KIF25: variants seen among roughly 807,000 people sequenced by gnomAD.
KIF25 encodes the protein kinesin-like protein KIF25.
KIF25 carries 19 observed loss-of-function variants against 32.9 expected under a neutral mutation model. The observed-to-expected ratio is 0.58, with a 90% CI of 0.40 to 0.85. KIF25 has a LOEUF of 0.85. Ranked by LOEUF, KIF25 falls within the 40% of genes least tolerant of loss-of-function variation. KIF25 has a pLI of 0.00. For missense variants in KIF25, 485 were observed against 507.0 expected (o/e 0.96, Z 0.42); for synonymous variants, 225 against 213.7 (o/e 1.05, Z -0.46).
chr6:168,013,062 G>A (rs766582274), intron 4 of KIF25, among the ~76,000 whole-genome samples: 5 of 151,984 alleles, frequency 3.3e-5, no homozygotes, highest in African/African-American at 4.8e-5. Context: ...GCTGAGAAAC[G>A]GGGCTGTTTC....
Position 168,022,544 on chromosome 6 carries a change from G to C in KIF25, c.-95+4504G>C, listed in dbSNP as rs1301187560. Reference sequence around the variant, plus strand: ...GGCCTCAAGTGATTGTCCCACCTCAGCCTCCCGAGTAGCTAGGATTACAGG... The same window carrying C: ...GGCCTCAAGTGATTGTCCCACCTCACCCTCCCGAGTAGCTAGGATTACAGG... On this transcript the variant is annotated intron_variant, in intron 5 of 12. Transcript: ENST00000643607. Among the ~76,000 whole-genome samples the C allele has an allele frequency of 2.6e-5, 4 of 152,230 alleles. No homozygotes were observed. In the East Asian group the frequency reaches 7.7e-4, roughly 29 times the overall value.
intron 12 of KIF25, among the ~76,000 whole-genome samples, chr6:168,044,016 A>C (rs74462271): frequency 0.023 from 3,441 of 152,272 alleles, 64 homozygotes; most frequent in Non-Finnish European, 0.035. Flanking sequence ...GAACAGCCCC[A>C]GGGGGCTGAG....
chr6:168,027,822 C>T (rs964689648), intron 5 of KIF25, among the ~76,000 whole-genome samples: 144 of 152,248 alleles, frequency 9.5e-4, no homozygotes, highest in African/African-American at 3.4e-3. Flanking sequence ...TCGTGTGCTT[C>T]TGACATTCGC....
chr6:168,014,239 A>G (rs1393555161), intron 4 of KIF25, among the ~76,000 whole-genome samples: 2 of 152,138 alleles, frequency 1.3e-5, no homozygotes. Flanking sequence ...CAGTGAGGAA[A>G]TGCATCCTGA....
chr6:168,036,497 C>T (rs531960296), intron 8 of KIF25, among the ~76,000 whole-genome samples: 9 of 152,348 alleles, frequency 5.9e-5, no homozygotes, highest in South Asian at 4.1e-4. Context: ...GTGTGTGCCT[C>T]GCCTTCTCAA....
chr6:168,042,994 G>A (rs191539152), intron 12 of KIF25, among the ~76,000 whole-genome samples: 2 of 152,272 alleles, frequency 1.3e-5, no homozygotes, highest in African/African-American at 4.8e-5. Flanking sequence ...TCTTCACCAG[G>A]GGTCCGCCAG....
chr6:168,013,938 A>G (rs914048040), intron 4 of KIF25, among the ~76,000 whole-genome samples: 1 of 152,148 alleles, frequency 6.6e-6, no homozygotes, highest in Non-Finnish European at 1.5e-5. Flanking sequence ...TTTCTTGGGC[A>G]GAGGGAGCTG....
In KIF25 at chr6:168,012,047, A is replaced by G. The variant is rs150266525; in HGVS notation, c.-162-5926A>G. 3.9e-3 allele frequency among the ~76,000 whole-genome samples: 598 copies of G among 151,832 alleles called. 6 individuals carry two copies. The highest frequency in any genetic ancestry group is 3.3e-3 in the Non-Finnish European group (224 of 67,946). ...GCTCTAAGATTTGATTCTTTTTTATAATTCTGTCTCTTTATTGTATTTTTC... is the reference window on the plus strand; with the variant it reads ...GCTCTAAGATTTGATTCTTTTTTATGATTCTGTCTCTTTATTGTATTTTTC... On this transcript the variant is annotated intron_variant, in intron 4 of 12. Transcript: ENST00000643607.
Position 168,038,577 on chromosome 6 carries a change from A to G in KIF25, c.342A>G (p.Arg114=), listed in dbSNP as rs1443651843. The G allele has an allele frequency of 6.2e-7, 1 of 1,614,122 alleles. No individual in the cohort carries two copies. Among genetic ancestry groups the G allele is most frequent in the African/African-American group, 1.3e-5 (1 of 75,020 alleles). The change falls in exon 9 of 13, where the codon AGA becomes AGG. Residue 114 remains arginine, a synonymous_variant. Coordinates refer to ENST00000643607, the MANE Select transcript of KIF25 (RefSeq NM_030615.4). ...GGCTCATTTTGGAAAATACCTCAAG[A>G]AGCCCAAAGGTTGAAGTCTCCATAG... The part of the protein sequence containing the change: ...LFRLILENTS[R]SPKVEVSIVE...
chr6:168,029,383 A>T, intron 5 of KIF25, 109 bp from the exon 6 acceptor site: 4 of 726,428 alleles, frequency 5.5e-6, no homozygotes, highest in Non-Finnish European at 8.4e-6. Flanking sequence ...CTAGACAATT[A>T]AGGAAATGCG....
chr6:168,010,470 C>G (rs1158455391), intron 4 of KIF25, among the ~76,000 whole-genome samples: 1 of 151,854 alleles, frequency 6.6e-6, no homozygotes, highest in Non-Finnish European at 1.5e-5. Context: ...GACTTTTATT[C>G]TGTTATGGTC....
At chr6:168,021,224 A>C (rs1583133911) in intron 5 of KIF25, among the ~76,000 whole-genome samples, 1 of 152,190 alleles carries the variant, frequency 6.6e-6, no homozygotes, top group East Asian at 1.9e-4. Context: ...TGTCCTCTTA[A>C]TTTATAGTAT....
intron 2 of KIF25, among the ~76,000 whole-genome samples, chr6:168,001,563 TGAGAAGACACCTGAGGCGTGGCCTC>T: frequency 2.1e-5 from 2 of 93,834 alleles, no homozygotes; most frequent in African/African-American, 1.0e-4. Flanking sequence ...CTCGGGCAGG[TGAGAAGACACCTGAGGCGTGGCCTC>T]GGGCAGGTGA....
chr6:168,040,458 C>T (rs1799102451), intron 10 of KIF25, among the ~76,000 whole-genome samples: 1 of 151,960 alleles, frequency 6.6e-6, no homozygotes. Context: ...CCCAGCTACT[C>T]GGGAGGCTGA....
At chr6:168,013,364 G>A (rs9355049) in intron 4 of KIF25, among the ~76,000 whole-genome samples, 50,935 of 151,330 alleles carry the variant, frequency 0.34, 8,848 homozygotes, top group South Asian at 0.42. Flanking sequence ...TCCTGGGCCC[G>A]GGATCCATGC....
In KIF25 at chr6:168,044,566, C is replaced by T. The variant is rs538786830; in HGVS notation, c.986-261C>T. Among the ~76,000 whole-genome samples, 26 of 148,730 alleles carry T rather than the reference C, an allele frequency of 1.7e-4. No homozygotes were observed. The South Asian group carries it at 2.0e-3, about 11-fold the overall frequency. On this transcript the variant is annotated intron_variant, in intron 12 of 12. Coordinates refer to ENST00000643607, the MANE Select transcript of KIF25 (RefSeq NM_030615.4). ...GACCGGGGTGAGGGGTGCTAGTGAC[C>T]GGCTGCTGACCCTCCCGGAGGGTGA...
intron 2 of KIF25, among the ~76,000 whole-genome samples, chr6:168,001,858 G>A (rs113164864): frequency 4.3e-5 from 3 of 70,418 alleles, no homozygotes; most frequent in Non-Finnish European, 8.6e-5. Flanking sequence ...GCGTAGCCTC[G>A]GGCAGGTGAG....
At chr6:168,023,008 G>A (rs938877511) in intron 5 of KIF25, among the ~76,000 whole-genome samples, 9 of 152,060 alleles carry the variant, frequency 5.9e-5, no homozygotes, top group Admixed American at 2.6e-4. Context: ...TAGACTCTCA[G>A]GCACGTGGAA....
intron 5 of KIF25, among the ~76,000 whole-genome samples, chr6:168,024,684 G>A (rs1229853658): frequency 1.3e-5 from 2 of 152,040 alleles, no homozygotes; most frequent in African/African-American, 2.4e-5. Flanking sequence ...GGCCGGGCAC[G>A]GTGGCTCACA....
Sources: gnomAD v4.1 joint callset for allele counts (sites outside exome capture counted in the v4.1 genomes callset) on GRCh38, gnomAD v4.1.1 for gene constraint, MANE v1.5 for transcripts, NCBI Gene and HGNC (gene_info 2026-07-23, HGNC 2026-07-21) for gene names.